TRIM21: variants seen among roughly 807,000 people sequenced by gnomAD.
TRIM21 encodes the protein tripartite motif containing 21.
A neutral mutation model predicts 36.1 loss-of-function variants in TRIM21; 35 were observed. The ratio of observed to expected loss-of-function variants is 0.97; its 90% confidence interval spans 0.74 to 1.28. The LOEUF (loss-of-function observed/expected upper bound fraction) is 1.28. Ranked by LOEUF, TRIM21 falls within the 50% of genes most tolerant of loss-of-function variation. The pLI, the probability that TRIM21 is intolerant of heterozygous loss-of-function variation, is 0.00. For missense variants in TRIM21, 635 were observed against 570.7 expected, an observed-to-expected ratio of 1.11 and a Z score of -1.15; for synonymous variants, 256 against 211.5, an observed-to-expected ratio of 1.21 and a Z score of -1.83.
chr11:4,389,576 G>A (rs544318308), intron 3 of TRIM21, 78 bp downstream of exon 3: 33 of 1,216,008 alleles, frequency 2.7e-5, no homozygotes, highest in South Asian at 8.4e-5. Flanking sequence ...GCACAGCTAC[G>A]GTTAAGGCTG....
intron 3 of TRIM21, 125 bp downstream of exon 3, chr11:4,389,529 A>C (rs756603869): frequency 1.2e-6 from 1 of 805,878 alleles, no homozygotes; most frequent in Non-Finnish European, 2.2e-6. Flanking sequence ...TGGCTTCTGG[A>C]GAGTGAGACG....
chr11:4,389,788 C>G, intron 2 of TRIM21, 39 bp from the exon 3 acceptor site: 1 of 1,584,444 alleles, frequency 6.3e-7, no homozygotes. Context: ...CCATGCAAAC[C>G]AAGTAATAGG....
chr11:4,392,063 A>T (rs2094963644), intron 1 of TRIM21, among the ~76,000 whole-genome samples: 1 of 152,122 alleles, frequency 6.6e-6, no homozygotes, highest in African/African-American at 2.4e-5. Context: ...GTACATTAAA[A>T]ATAAGAGTAT....
At chr11:4,387,392 C>T (rs1161815250) in intron 4 of TRIM21, among the ~76,000 whole-genome samples, 1 of 152,116 alleles carries the variant, frequency 6.6e-6, no homozygotes, top group African/African-American at 2.4e-5. Context: ...CACTTGTGGG[C>T]TAGCATTGTT....
At position 4,385,632 on chromosome 11, in the gene TRIM21, C is replaced by T. The variant is rs1305857648; in HGVS notation, c.1081G>A (p.Asp361Asn). Residue 361 changes from aspartate to asparagine, a missense_variant, in exon 7 of 7, where the codon GAC (aspartate) becomes AAC (asparagine). Physicochemically the swap from Asp to Asn is conservative, Grantham distance 23 (BLOSUM62 1). Transcript: ENST00000254436. Reference sequence around the variant, plus strand: ...AAGTGCCCCTTCCTGCGCACAGAGTCTCTGCAGACACCCAGGTCCCAGGCC... The same window carrying T: ...AAGTGCCCCTTCCTGCGCACAGAGTTTCTGCAGACACCCAGGTCCCAGGCC... ...KEAWDLGVCRDSVRRKGHFLL... is the reference protein window; with the variant it reads ...KEAWDLGVCRNSVRRKGHFLL... The T allele has an allele frequency of 3.1e-6, 5 of 1,612,874 alleles. No homozygotes were observed. Among genetic ancestry groups the T allele is most frequent in the Non-Finnish European group, 4.2e-6 (5 of 1,179,332 alleles).
chr11:4,392,403 C>G (rs191749782), intron 1 of TRIM21, among the ~76,000 whole-genome samples: 1 of 152,030 alleles, frequency 6.6e-6, no homozygotes, highest in Non-Finnish European at 1.5e-5. Flanking sequence ...CCTGTCTCTA[C>G]TAAAAATACA....
rs768706533 is a variant in TRIM21 at position 4,385,538 on chromosome 11, G to A, written c.1175C>T (p.Thr392Ile). ...LWNKQKYEAG[T>I]YPQTPLHLQV... ...AAGGTGGAGGGGAGTCTGGGGGTAG[G>A]TGCCAGCCTCATATTTTTGTTTGTT... The change falls in exon 7 of 7, where the codon ACC becomes ATC. Residue 392 changes from threonine to isoleucine, a missense_variant. Physicochemically the swap from Thr to Ile is moderately conservative, Grantham distance 89 (BLOSUM62 -1). Transcript: ENST00000254436. 5.0e-6 allele frequency: 8 copies of A among 1,611,750 alleles called. No individual in the cohort carries two copies. The South Asian group carries it at 6.6e-5, about 13-fold the overall frequency.
chr11:4,389,416 C>G (rs558058667), intron 3 of TRIM21, among the ~76,000 whole-genome samples: 1 of 152,326 alleles, frequency 6.6e-6, no homozygotes, highest in East Asian at 1.9e-4. Context: ...TAGATCCTCT[C>G]AGCACCTTCT....
Position 4,385,261 on chromosome 11 carries a change from A to G in TRIM21, c.*24T>C. Reference sequence around the variant, plus strand: ...GCTGAGAAGCGGTGCCAATGGGGAGAGTGGCAGTGTCCAGAGAAAGCCATC... The same window carrying G: ...GCTGAGAAGCGGTGCCAATGGGGAGGGTGGCAGTGTCCAGAGAAAGCCATC... On this transcript the variant is annotated 3_prime_UTR_variant, in exon 7 of 7. Coordinates refer to ENST00000254436, the MANE Select transcript of TRIM21 (RefSeq NM_003141.4). 1 of 1,588,616 alleles carries G rather than the reference A, an allele frequency of 6.3e-7. No individual in the cohort carries two copies. The highest frequency in any genetic ancestry group is 8.6e-7 in the Non-Finnish European group (1 of 1,166,332).
At chr11:4,390,589 TA>T (rs2094961990) in intron 1 of TRIM21, 131 bp from the exon 2 acceptor site, 1 of 630,120 alleles carries the variant, frequency 1.6e-6, no homozygotes, top group African/African-American at 1.8e-5. Context: ...TCCTAAAATT[TA>T]TATGGAATCA....
chr11:4,389,441 T>C (rs2094960092), intron 3 of TRIM21, among the ~76,000 whole-genome samples: 1 of 152,340 alleles, frequency 6.6e-6, no homozygotes, highest in Non-Finnish European at 1.5e-5. Context: ...GGATTCTTGA[T>C]CTTCAGGCCT....
At chr11:4,387,923 C>T (rs1471418982) in intron 4 of TRIM21, among the ~76,000 whole-genome samples, 1 of 152,196 alleles carries the variant, frequency 6.6e-6, no homozygotes, top group South Asian at 2.1e-4. Flanking sequence ...ATTAGGTTTT[C>T]TGCACAAACC....
At chr11:4,389,976 C>G in intron 2 of TRIM21, 26 bp downstream of exon 2, 1 of 1,607,678 alleles carries the variant, frequency 6.2e-7, no homozygotes, top group Non-Finnish European at 8.5e-7. Flanking sequence ...AAACGAAGCA[C>G]TCACCAGGTG....
intron 3 of TRIM21, among the ~76,000 whole-genome samples, chr11:4,388,881 G>A (rs1330338091): frequency 7.2e-6 from 1 of 138,162 alleles, no homozygotes; most frequent in Non-Finnish European, 1.7e-5. Flanking sequence ...GTCTCAGTGA[G>A]TTACTGAGAA....
intron 1 of TRIM21, among the ~76,000 whole-genome samples, chr11:4,392,637 T>A (rs1436787051): frequency 6.6e-6 from 1 of 150,654 alleles, no homozygotes; most frequent in Non-Finnish European, 1.5e-5. Flanking sequence ...CAGTAATTAC[T>A]TTTGCACCGA....
chr11:4,390,322 C>A lies in TRIM21; in HGVS notation c.88G>T (p.Glu30Ter). Reference protein sequence around the residue: ...LDPFVEPVSIECGHSFCQECI... With the variant: ...LDPFVEPVSI Reference sequence around the variant, plus strand: ...TCCTGGCAGAAGCTGTGGCCACACTCGATGCTCACAGGCTCCACGAAGGGG... The same window carrying A: ...TCCTGGCAGAAGCTGTGGCCACACTAGATGCTCACAGGCTCCACGAAGGGG... Residue 30 changes from glutamate to a stop codon, truncating the protein, a stop_gained, in exon 2 of 7, where the codon GAG becomes TAG. Transcript: ENST00000254436. LOFTEE classifies it high-confidence loss of function. 1 of 1,613,902 alleles carries A rather than the reference C, an allele frequency of 6.2e-7. No homozygotes were observed. The highest frequency in any genetic ancestry group is 1.6e-4 in the Middle Eastern group (1 of 6,062).
Position 4,388,402 on chromosome 11 carries a change from C to G in TRIM21, c.633G>C (p.Leu211=), listed in dbSNP as rs372518277. 156 of 1,613,864 alleles carry G rather than the reference C, an allele frequency of 9.7e-5. No homozygotes were observed. The highest frequency in any genetic ancestry group is 1.3e-4 in the Non-Finnish European group (150 of 1,179,908). The change falls in exon 4 of 7, where the codon CTG becomes CTC. Residue 211 remains leucine (L), a synonymous_variant. Coordinates refer to ENST00000254436, the MANE Select transcript of TRIM21 (RefSeq NM_003141.4). The part of the protein sequence containing the change: ...EKDEREQLRI[L]GEKEAKLAQQ... ...GGGCCAGCTTGGCCTCTTTCTCCCC[C>G]AGGATTCTCAGCTGCTCCCTCTCAT...
At chr11:4,387,193 G>A (rs1242123434) in intron 4 of TRIM21, among the ~76,000 whole-genome samples, 1 of 151,886 alleles carries the variant, frequency 6.6e-6, no homozygotes, top group Non-Finnish European at 1.5e-5. Context: ...AGCCCAGCAT[G>A]GATGTGACCT....
Position 4,390,384 on chromosome 11 carries a change from A to G in TRIM21, c.26T>C (p.Met9Thr), listed in dbSNP as rs2094961730. ...AGGGCATGTGACCTCCTCCCACATC[A>G]TTGTCAAGCGTGCTGCTGAAGCCAT... MASAARLT[M>T]MWEEVTCPIC... The change falls in exon 2 of 7, where the codon ATG becomes ACG. Residue 9 changes from methionine (M) to threonine (T), a missense_variant. Transcript: ENST00000254436. 2 of 1,610,546 alleles carry G rather than the reference A, an allele frequency of 1.2e-6. No homozygotes were observed. The highest frequency in any genetic ancestry group is 1.7e-6 in the Non-Finnish European group (2 of 1,177,082).
Sources: gnomAD v4.1 joint callset for allele counts (sites outside exome capture counted in the v4.1 genomes callset) on GRCh38, gnomAD v4.1.1 for gene constraint, MANE v1.5 for transcripts, NCBI Gene and HGNC (gene_info 2026-07-23, HGNC 2026-07-21) for gene names.